The following CTC1 variants were observed in gnomAD, a reference collection of about 807,000 sequenced individuals.
The protein encoded by CTC1 is CST telomere replication complex component 1.
In CTC1, 91 loss-of-function variants were observed where a neutral mutation model predicts 136.3. The ratio of observed to expected loss-of-function variants is 0.67; its 90% CI spans 0.56 to 0.79. The LOEUF (loss-of-function observed/expected upper bound fraction) is 0.79, where lower values mean the gene tolerates loss of function less well. Among genes scored for constraint, CTC1 ranks in the 30% least tolerant of loss-of-function variants. The probability of loss-of-function intolerance (pLI) is 0.00; values close to 1 mark genes in which losing one functional copy is unlikely to be tolerated. For missense variants in CTC1, 1,432 were observed against 1,498.1 expected (o/e 0.96, Z 0.73); for synonymous variants, 606 against 613.8 (o/e 0.99, Z 0.19).
Position 8,228,231 on chromosome 17 carries a change from G to C in CTC1, c.3603C>G (p.Ile1201Met). Residue 1201 changes from isoleucine to methionine, a missense_variant, in exon 23 of 23, where the codon ATC (isoleucine) becomes ATG (methionine). Physicochemically the swap from Ile to Met is conservative, Grantham distance 10. Transcript: ENST00000651323. ...NPRLRLSCLS[I>M]RESEYSSSLG... ...GAGAGCTGGAGTACTCTGACTCTCG[G>C]ATAGAAAGGCAGGACAATCGGAGCC... 1 of 1,614,126 alleles carries C rather than the reference G, an allele frequency of 6.2e-7. No homozygotes were observed. The highest frequency in any genetic ancestry group is 8.5e-7 in the Non-Finnish European group (1 of 1,179,976).
In CTC1 at chr17:8,226,610, C is replaced by T. The variant is rs1032479280; in HGVS notation, c.*1570G>A. The T allele has an allele frequency of 1.3e-5, 2 of 152,192 alleles. No homozygotes were observed. The highest frequency in any genetic ancestry group is 2.4e-5 in the African/African-American group (1 of 41,446). 9.4% of individuals were successfully genotyped at this position (152,192 alleles called of 1,614,324 possible). On this transcript the variant is annotated 3_prime_UTR_variant, in exon 23 of 23. Transcript: ENST00000651323. ...CAGTATGCTGAAGAAAAAAATATGA[C>T]GTAGTCGGCAGGATTCGAACCTGCG...
In CTC1 at chr17:8,230,301, C is replaced by A. The variant is rs772931464; in HGVS notation, c.2926G>T (p.Val976Phe). The change falls in exon 17 of 23, where the codon GTT becomes TTT. Residue 976 changes from valine (V) to phenylalanine (F), a missense_variant. Coordinates refer to ENST00000651323, the MANE Select transcript of CTC1 (RefSeq NM_025099.6). ...GACACTACACATCTTCACCTGGAAA[C>A]CCTTTTCTCCAACTGGCTGAAGTGG... Reference protein sequence around the residue: ...RVHFSQLEKRVSRSHNVYCCF... With the variant: ...RVHFSQLEKRFSRSHNVYCCF... 9 of 1,610,992 alleles carry A rather than the reference C, an allele frequency of 5.6e-6. No homozygotes were observed. The highest frequency in any genetic ancestry group is 7.6e-6 in the Non-Finnish European group (9 of 1,178,918).
intron 22 of CTC1, 31 bp from the exon 23 acceptor site, chr17:8,228,350 C>T (rs755899241): frequency 3.2e-5 from 51 of 1,611,084 alleles, no homozygotes; most frequent in South Asian, 1.1e-4. Context: ...AAACACACGT[C>T]TCAGGCATGT....
At position 8,228,617 on chromosome 17, in the gene CTC1, C is replaced by T; in HGVS notation, c.3400G>A (p.Val1134Ile). 1 of 1,614,168 alleles carries T rather than the reference C, an allele frequency of 6.2e-7. No homozygotes were observed. The highest frequency in any genetic ancestry group is 8.5e-7 in the Non-Finnish European group (1 of 1,180,014). The change falls in exon 22 of 23, where the codon GTT (valine) becomes ATT (isoleucine). Residue 1134 changes from valine to isoleucine, a missense_variant. By Grantham distance (29) the Val-to-Ile change is conservative. Transcript: ENST00000651323. ...AGGAACATGGTCATGGGCTCGTCAA[C>T]CCTGGCTGAAGACTAGAAAGAGAAG... Reference protein sequence around the residue: ...PGAQLESSARVDEPMTMFLWT... With the variant: ...PGAQLESSARIDEPMTMFLWT...
Position 8,225,111 on chromosome 17 carries a change from G to T in CTC1, c.*3069C>A, listed in dbSNP as rs1986527627. 6.6e-6 allele frequency: 1 copy of T among 152,256 alleles called. No homozygotes were observed. The highest frequency in any genetic ancestry group is 1.5e-5 in the Non-Finnish European group (1 of 68,082). The allele number at this position is 152,256 out of a possible 1,614,324, so 9.4% of individuals were successfully genotyped here. ...CTGACCTCGTGATCCGCCCACCTTG[G>T]CCTCCCAAAGCGCTGGGATTACAGG... is the stretch of plus-strand genomic sequence containing the variant. On this transcript the variant is annotated 3_prime_UTR_variant, in exon 23 of 23. Transcript: ENST00000651323.
At position 8,231,731 on chromosome 17, in the gene CTC1, G is replaced by A. The variant is rs777893836; in HGVS notation, c.2470C>T (p.Pro824Ser). Residue 824 changes from proline (P) to serine (S), a missense_variant, in exon 14 of 23, where the codon CCC (proline) becomes TCC (serine). Pro to Ser is a moderately conservative substitution (Grantham distance 74, BLOSUM62 -1). Transcript: ENST00000651323. The stretch of plus-strand genomic sequence containing the variant: ...TGATGAAGTAGGACACTCACAGCGG[G>A]GCCAGGAGCTATGAGTCGGTACACC... ...GQVYRLIAPG[P>S]ATPMLFEKDG... is the part of the protein sequence containing the mutation. 1 of 1,613,794 alleles carries A rather than the reference G, an allele frequency of 6.2e-7. No individual in the cohort carries two copies. Among genetic ancestry groups the A allele is most frequent in the Non-Finnish European group, 8.5e-7 (1 of 1,179,684 alleles).
intron 11 of CTC1, 122 bp from the exon 12 acceptor site, chr17:8,232,597 G>A: frequency 1.3e-6 from 1 of 781,436 alleles, no homozygotes; most frequent in South Asian, 1.7e-5. Flanking sequence ...CACATGACAT[G>A]AAAGCCCACA....
At position 8,229,284 on chromosome 17, in the gene CTC1, G is replaced by A. The variant is rs1987003651; in HGVS notation, c.3156+18C>T. On this transcript the variant is annotated intron_variant, in intron 19 of 22. Coordinates refer to ENST00000651323, the MANE Select transcript of CTC1 (RefSeq NM_025099.6). ...TGGCACTCCATACTCAGTTCAGCCTGTTCCTTCCCTCCCTTACCTGCCGGC... is the reference window on the plus strand; with the variant it reads ...TGGCACTCCATACTCAGTTCAGCCTATTCCTTCCCTCCCTTACCTGCCGGC... 4 of 1,614,018 alleles carry A rather than the reference G, an allele frequency of 2.5e-6. No individual in the cohort carries two copies. The highest frequency in any genetic ancestry group is 1.3e-5 in the African/African-American group (1 of 74,920).
chr17:8,226,615 T>C lies in CTC1; in HGVS notation c.*1565A>G, dbSNP rs886053598. The stretch of plus-strand genomic sequence containing the variant: ...TGCTGAAGAAAAAAATATGACGTAG[T>C]CGGCAGGATTCGAACCTGCGCGGGG... On this transcript the variant is annotated 3_prime_UTR_variant, in exon 23 of 23. Coordinates refer to ENST00000651323, the MANE Select transcript of CTC1 (RefSeq NM_025099.6). 2.0e-5 allele frequency: 3 copies of C among 152,216 alleles called. No homozygotes were observed. The highest frequency in any genetic ancestry group is 6.5e-5 in the Admixed American group (1 of 15,278). 9.4% of individuals were successfully genotyped at this position (152,216 alleles called of 1,614,324 possible).
chr17:8,237,618 TC>T, intron 4 of CTC1, 99 bp from the exon 5 acceptor site: 4 of 748,164 alleles, frequency 5.3e-6, no homozygotes, highest in Non-Finnish European at 7.9e-6. Context: ...TAAGCTGAGA[TC>T]CCGCCATTGG....
At position 8,225,366 on chromosome 17, in the gene CTC1, G is replaced by A. The variant is rs940206477; in HGVS notation, c.*2814C>T. 1 of 152,232 alleles carries A rather than the reference G, an allele frequency of 6.6e-6. No homozygotes were observed. Among genetic ancestry groups the A allele is most frequent in the Non-Finnish European group, 1.5e-5 (1 of 68,062 alleles). 9.4% of individuals were successfully genotyped at this position (152,232 alleles called of 1,614,324 possible). Reference sequence around the variant, plus strand: ...TGCTGCATCCCTGGCTTGACCTGGAGGTAGCAATTCCTTCAAGCCATTTGC... The same window carrying A: ...TGCTGCATCCCTGGCTTGACCTGGAAGTAGCAATTCCTTCAAGCCATTTGC... On this transcript the variant is annotated 3_prime_UTR_variant, in exon 23 of 23. Transcript: ENST00000651323.
intron 2 of CTC1, among the ~76,000 whole-genome samples, chr17:8,242,612 C>T (rs1301210861): frequency 7.0e-6 from 1 of 143,536 alleles, no homozygotes; most frequent in Non-Finnish European, 1.5e-5. Flanking sequence ...TCTCGGAAGC[C>T]CTAAAACTCA....
chr17:8,245,555 C>T lies in CTC1; in HGVS notation c.34-2407G>A, dbSNP rs185998174. Among the ~76,000 whole-genome samples, 170 of 152,156 alleles carry T rather than the reference C, an allele frequency of 1.1e-3. 1 individual carries two copies. The highest frequency in any genetic ancestry group is 3.8e-3 in the African/African-American group (156 of 41,524). On this transcript the variant is annotated intron_variant, in intron 1 of 22. Coordinates refer to ENST00000651323, the MANE Select transcript of CTC1 (RefSeq NM_025099.6). Reference sequence around the variant, plus strand: ...TATCCTTTGCTTGGTGCACTGAATACGACTGTCTCTCAAAGTGATCCCATG... The same window carrying T: ...TATCCTTTGCTTGGTGCACTGAATATGACTGTCTCTCAAAGTGATCCCATG...
Position 8,229,155 on chromosome 17 carries a change from G to A in CTC1, c.3208C>T (p.Gln1070Ter). 6.2e-7 allele frequency: 1 copy of A among 1,613,950 alleles called. No individual in the cohort carries two copies. Among genetic ancestry groups the A allele is most frequent in the Non-Finnish European group, 8.5e-7 (1 of 1,180,030 alleles). The stretch of plus-strand genomic sequence containing the variant: ...TTGTGCTCTCACCTGATGATGGCCT[G>A]GCTTATAGCTGTCTGCGTAGGGCAA... ...STCPTQTAISQAIIRLLVEDG... is the reference protein window; with the variant it reads ...STCPTQTAIS The change falls in exon 20 of 23, where the codon CAG becomes TAG. Residue 1070 changes from glutamine (Q) to a stop codon, truncating the protein, a stop_gained. Transcript: ENST00000651323. LOFTEE classifies it high-confidence loss of function.
In CTC1 at chr17:8,236,062, T is replaced by C. The variant is rs1987692399; in HGVS notation, c.1073A>G (p.Tyr358Cys). The change falls in exon 6 of 23, where the codon TAT becomes TGT. Residue 358 changes from tyrosine to cysteine, a missense_variant. Coordinates refer to ENST00000651323, the MANE Select transcript of CTC1 (RefSeq NM_025099.6). ...AGGATCTCTCCCTGTGCTCACCGAA[T>C]AGGATAGGAGTCTAGAATACCGGAC... ...SLVRYSRLLS[Y>C]SGAVTGVLNE... 1.9e-6 allele frequency: 3 copies of C among 1,610,998 alleles called. No individual in the cohort carries two copies. The highest frequency in any genetic ancestry group is 2.5e-6 in the Non-Finnish European group (3 of 1,177,474).
In CTC1 at chr17:8,229,456, T is replaced by TACA; in HGVS notation, c.3012-13_3012-11dup. ...GTGGGGCAGGGGAATGCTAAATAAA[T>TACA]ACAGGGAGACAGAGACAGGGGTCAA... On this transcript the variant is annotated splice_polypyrimidine_tract_variant and intron_variant, in intron 18 of 22. Coordinates refer to ENST00000651323, the MANE Select transcript of CTC1 (RefSeq NM_025099.6). 6.2e-7 allele frequency: 1 copy of TACA among 1,610,978 alleles called. No individual in the cohort carries two copies. Among genetic ancestry groups the TACA allele is most frequent in the East Asian group, 2.2e-5 (1 of 44,876 alleles).
rs1256692934 is a variant in CTC1 at position 8,236,119 on chromosome 17, T to C, written c.1016A>G (p.Asn339Ser). The C allele has an allele frequency of 6.2e-7, 1 of 1,614,162 alleles. No individual in the cohort carries two copies. Among genetic ancestry groups the C allele is most frequent in the East Asian group, 2.2e-5 (1 of 44,896 alleles). ...ADPKPLPMPS[N>S]SEDKKDPESL... ...TTCTGGATCCTTCTTGTCCTCCGAG[T>C]TGCTGGGCATGGGGAGTGGCTTGGG... is the stretch of plus-strand genomic sequence containing the variant. Residue 339 changes from asparagine (N) to serine (S), a missense_variant, in exon 6 of 23, where the codon AAC becomes AGC. Transcript: ENST00000651323.
At chr17:8,247,761 C>G (rs1988878780) in intron 1 of CTC1, 1 of 517,812 alleles carries the variant, frequency 1.9e-6, no homozygotes, top group South Asian at 2.4e-5. Context: ...GGTTTCCCAC[C>G]AGGATTAAAC....
intron 1 of CTC1, among the ~76,000 whole-genome samples, chr17:8,246,052 C>T (rs1228584271): frequency 2.7e-5 from 4 of 149,602 alleles, no homozygotes; most frequent in Non-Finnish European, 5.9e-5. Flanking sequence ...TCAAAATTAG[C>T]TGGGTTAGCC....
Sources: gnomAD v4.1 joint callset for allele counts (sites outside exome capture counted in the v4.1 genomes callset) on GRCh38, gnomAD v4.1.1 for gene constraint, MANE v1.5 for transcripts, NCBI Gene and HGNC (gene_info 2026-07-23, HGNC 2026-07-21) for gene names.